Variants in CTNNA2 observed in about 807,000 individuals in gnomAD.
CTNNA2 encodes catenin alpha-2.
In CTNNA2, 42 loss-of-function variants were observed where a neutral mutation model predicts 101.0. That is an observed-to-expected ratio of 0.42 (90% CI 0.32 to 0.54). CTNNA2 has a LOEUF of 0.54. Among genes scored for constraint, CTNNA2 ranks in the 20% least tolerant of loss-of-function variants. The pLI, the probability that CTNNA2 is intolerant of heterozygous loss-of-function variation, is 0.14. For synonymous variants in CTNNA2, 450 were observed against 456.4 expected (o/e 0.99, Z 0.18); for missense variants, 871 against 1,223.1 (o/e 0.71, Z 4.29).
intron 7 of CTNNA2, among the ~76,000 whole-genome samples, chr2:80,092,674 C>T (rs1382468066): frequency 6.6e-6 from 1 of 151,312 alleles, no homozygotes; most frequent in Non-Finnish European, 1.5e-5. Context: ...TGGTTACAAA[C>T]TGCTTAATCA....
intron 9 of CTNNA2, among the ~76,000 whole-genome samples, chr2:80,522,024 A>C (rs1350374685): frequency 6.6e-6 from 1 of 152,196 alleles, no homozygotes; most frequent in East Asian, 1.9e-4. Context: ...TTCTCAACCT[A>C]ACAGTTACAT....
At chr2:79,914,801 G>T (rs1167007725) in intron 7 of CTNNA2, among the ~76,000 whole-genome samples, 1 of 151,848 alleles carries the variant, frequency 6.6e-6, no homozygotes, top group Non-Finnish European at 1.5e-5. Flanking sequence ...GCCTCTTGAA[G>T]CATCTAAGTG....
chr2:79,435,058 C>T (rs1427883878), intron 4 of CTNNA2, among the ~76,000 whole-genome samples: 2 of 152,024 alleles, frequency 1.3e-5, no homozygotes, highest in Non-Finnish European at 2.9e-5. Flanking sequence ...CTTGTATTTT[C>T]CTTCTCATCT....
chr2:79,898,077 C>G (rs1176963213), intron 6 of CTNNA2, among the ~76,000 whole-genome samples: 1 of 152,192 alleles, frequency 6.6e-6, no homozygotes, highest in Non-Finnish European at 1.5e-5. Context: ...CCATCCAACT[C>G]TTAACCCCTG....
At chr2:80,432,883 G>A (rs1255089900) in intron 9 of CTNNA2, among the ~76,000 whole-genome samples, 1 of 152,056 alleles carries the variant, frequency 6.6e-6, no homozygotes, top group East Asian at 1.9e-4. Context: ...AGCCTGTAAT[G>A]TATCTTTAAA....
upstream of CTNNA2, among the ~76,000 whole-genome samples, chr2:79,511,764 G>A (rs1453767903): frequency 1.3e-5 from 2 of 152,022 alleles, no homozygotes; most frequent in Non-Finnish European, 1.5e-5. Flanking sequence ...AATTGCAGAC[G>A]CGAACTTGGA....
intron 4 of CTNNA2, among the ~76,000 whole-genome samples, chr2:79,382,700 G>A (rs1678053071): frequency 6.6e-6 from 1 of 152,060 alleles, no homozygotes; most frequent in Admixed American, 6.6e-5. Context: ...TGCAAGCTCT[G>A]CCTCCCGGGT....
chr2:80,078,747 G>A lies in CTNNA2; in HGVS notation c.1056+168950G>A, dbSNP rs539721360. 2.5e-4 allele frequency among the ~76,000 whole-genome samples: 38 copies of A among 152,206 alleles called. 1 individual carries two copies. Among genetic ancestry groups the A allele is most frequent in the South Asian group, 1.5e-3 (7 of 4,816 alleles). ...GTTTTGTTTTGTTTTGCTTTGCTTT[G>A]TGTGTATTTGTTTGTTTCATTTTGC... On this transcript the variant is annotated intron_variant, in intron 7 of 18. Transcript: ENST00000402739.
intron 4 of CTNNA2, among the ~76,000 whole-genome samples, chr2:79,413,121 C>T (rs1678436016): frequency 6.6e-6 from 1 of 152,010 alleles, no homozygotes; most frequent in Admixed American, 6.6e-5. Flanking sequence ...CAGATTTACT[C>T]TCTGTTTTGA....
At chr2:79,671,671 A>T (rs1682850931) in intron 2 of CTNNA2, among the ~76,000 whole-genome samples, 1 of 152,256 alleles carries the variant, frequency 6.6e-6, no homozygotes, top group Non-Finnish European at 1.5e-5. Context: ...CTCGGCAAAT[A>T]GTAAATGCTT....
chr2:79,192,375 A>T (rs1446200341), intron 1 of CTNNA2, among the ~76,000 whole-genome samples: 1 of 152,060 alleles, frequency 6.6e-6, no homozygotes, highest in Non-Finnish European at 1.5e-5. Context: ...CATGACCTTA[A>T]CCCTGCATGT....
chr2:80,191,618 C>T (rs1706507954), intron 7 of CTNNA2, among the ~76,000 whole-genome samples: 1 of 152,120 alleles, frequency 6.6e-6, no homozygotes, highest in Non-Finnish European at 1.5e-5. Context: ...TCTCTTGAGT[C>T]ATCTTAAAGT....
intron 7 of CTNNA2, among the ~76,000 whole-genome samples, chr2:80,318,577 TA>T (rs1272677125): frequency 1.3e-5 from 2 of 152,232 alleles, no homozygotes; most frequent in African/African-American, 4.8e-5. Context: ...TCGTGAATTC[TA>T]AAATACCTAA....
intron 2 of CTNNA2, among the ~76,000 whole-genome samples, chr2:79,678,542 C>CAAAAAA (rs569707654): frequency 1.0e-5 from 1 of 99,032 alleles, no homozygotes; most frequent in Non-Finnish European, 2.2e-5. Flanking sequence ...CTCAAACAAA[C>CAAAAAA]AAAAAAAAAA....
At chr2:79,235,128 T>C (rs190309756) in intron 2 of CTNNA2, among the ~76,000 whole-genome samples, 2 of 152,276 alleles carry the variant, frequency 1.3e-5, no homozygotes, top group African/African-American at 2.4e-5. Context: ...ATTCTTGCAT[T>C]GATTCTTTCT....
intron 18 of CTNNA2, among the ~76,000 whole-genome samples, chr2:80,622,651 A>T (rs1671247451): frequency 6.6e-6 from 1 of 151,950 alleles, no homozygotes. Flanking sequence ...ACTGACGAAG[A>T]ACACTTAATT....
chr2:79,967,841 G>T (rs1250453382), intron 7 of CTNNA2, among the ~76,000 whole-genome samples: 1 of 152,088 alleles, frequency 6.6e-6, no homozygotes, highest in Non-Finnish European at 1.5e-5. Context: ...CAGATGATTG[G>T]ATAAAAAATT....
At chr2:79,279,356 C>T (rs780719410) in intron 2 of CTNNA2, among the ~76,000 whole-genome samples, 3 of 152,030 alleles carry the variant, frequency 2.0e-5, no homozygotes, top group African/African-American at 7.2e-5. Context: ...GGAGGAAATT[C>T]ACCATAAATG....
intron 2 of CTNNA2, among the ~76,000 whole-genome samples, chr2:79,253,867 T>A (rs1558587994): frequency 6.6e-6 from 1 of 152,222 alleles, no homozygotes; most frequent in South Asian, 2.1e-4. Context: ...GTGTGTTAGC[T>A]GTCATCAGTG....
Sources: gnomAD v4.1 joint callset for allele counts (sites outside exome capture counted in the v4.1 genomes callset) on GRCh38, gnomAD v4.1.1 for gene constraint, MANE v1.5 for transcripts, NCBI Gene and HGNC (gene_info 2026-07-23, HGNC 2026-07-21) for gene names.